The following ABL1 variants were observed in gnomAD, a reference collection of about 807,000 sequenced individuals.
ABL1 encodes tyrosine-protein kinase ABL1.
ABL1 carries 11 observed loss-of-function variants against 94.7 expected under a neutral mutation model. The observed-to-expected ratio is 0.12, with a 90% CI of 0.07 to 0.19. The LOEUF (loss-of-function observed/expected upper bound fraction) is 0.19. Ranked by LOEUF, ABL1 falls within the 10% of genes least tolerant of loss-of-function variation. ABL1 has a pLI of 1.00. For missense variants in ABL1, 1,082 were observed against 1,489.4 expected, an observed-to-expected ratio of 0.73 and a Z score of 4.50; for synonymous variants, 656 against 622.4, an observed-to-expected ratio of 1.05 and a Z score of -0.80.
intron 1 of ABL1, among the ~76,000 whole-genome samples, chr9:130,730,387 A>G (rs976817739): frequency 6.6e-6 from 1 of 152,052 alleles, no homozygotes; most frequent in African/African-American, 2.4e-5. Context: ...GTTGTGCAGT[A>G]GTATCTCCCA....
At chr9:130,713,939 C>G (rs1460780230) in exon 1 of ABL1, 2 of 237,100 alleles carry the variant, frequency 8.4e-6, no homozygotes, top group Non-Finnish European at 1.7e-5. Flanking sequence ...TCAGCGTTTC[C>G]TTTATGTGTG....
intron 7 of ABL1, 119 bp from the exon 8 acceptor site, chr9:130,878,296 C>G (rs959181312): frequency 8.3e-7 from 1 of 1,209,794 alleles, no homozygotes; most frequent in Non-Finnish European, 1.2e-6. Context: ...AATGTCAGAG[C>G]CTGGGCTGCT....
At chr9:130,724,701 T>C in intron 1 of ABL1, 1 of 367,450 alleles carries the variant, frequency 2.7e-6, no homozygotes, top group Non-Finnish European at 5.5e-6. Flanking sequence ...TACCTGGGAT[T>C]GTGCCACTGC....
chr9:130,729,571 T>G (rs138497884), intron 1 of ABL1, among the ~76,000 whole-genome samples: 1 of 152,332 alleles, frequency 6.6e-6, no homozygotes, highest in African/African-American at 2.4e-5. Context: ...CCTTATGTTT[T>G]TCTCTTTCCT....
intron 4 of ABL1, among the ~76,000 whole-genome samples, chr9:130,865,866 A>T (rs1267371033): frequency 6.6e-6 from 1 of 151,828 alleles, no homozygotes; most frequent in South Asian, 2.1e-4. Flanking sequence ...TGTGCTTACT[A>T]CATGTCGCAT....
At chr9:130,725,089 A>G (rs1308097940) in intron 1 of ABL1, 1 of 206,826 alleles carries the variant, frequency 4.8e-6, no homozygotes, top group African/African-American at 2.3e-5. Context: ...GGTAAAATAT[A>G]CAGAAAAGTT....
intron 1 of ABL1, among the ~76,000 whole-genome samples, chr9:130,853,672 C>A (rs1830924248): frequency 6.6e-6 from 1 of 152,132 alleles, no homozygotes; most frequent in African/African-American, 2.4e-5. Context: ...ACCTTGGCCT[C>A]CCAAAGTGCT....
chr9:130,786,000 C>G (rs1018108583), intron 1 of ABL1, among the ~76,000 whole-genome samples: 4 of 146,464 alleles, frequency 2.7e-5, no homozygotes, highest in African/African-American at 1.0e-4. Flanking sequence ...AGTGATGGCA[C>G]AGAAAGGCCA....
At chr9:130,871,968 G>T (rs1318874558) in intron 4 of ABL1, among the ~76,000 whole-genome samples, 161 bp from the exon 5 acceptor site, 1 of 152,274 alleles carries the variant, frequency 6.6e-6, no homozygotes, top group Admixed American at 6.5e-5. Context: ...TCAAGTTGCT[G>T]GTCAGCTGTC....
intron 1 of ABL1, among the ~76,000 whole-genome samples, chr9:130,762,876 A>G (rs1832133634): frequency 6.8e-6 from 1 of 146,904 alleles, no homozygotes. Context: ...GCGCCACTGC[A>G]CTCCAGCCTG....
At chr9:130,765,548 CT>C (rs750313210) in intron 1 of ABL1, among the ~76,000 whole-genome samples, 5 of 152,216 alleles carry the variant, frequency 3.3e-5, no homozygotes, top group African/African-American at 9.6e-5. Flanking sequence ...AGAATAGAAA[CT>C]TTTAAAGGTT....
chr9:130,717,960 C>T (rs948530514), intron 1 of ABL1, among the ~76,000 whole-genome samples: 3 of 149,790 alleles, frequency 2.0e-5, no homozygotes, highest in African/African-American at 4.9e-5. Context: ...TGCATTGAGA[C>T]GAGATCACGC....
chr9:130,849,031 C>T (rs1015509439), intron 1 of ABL1, among the ~76,000 whole-genome samples: 4 of 152,128 alleles, frequency 2.6e-5, no homozygotes, highest in Non-Finnish European at 5.9e-5. Flanking sequence ...AATTCCTCCT[C>T]GTCTTCTATT....
At chr9:130,843,142 A>G (rs1172081080) in intron 1 of ABL1, among the ~76,000 whole-genome samples, 1 of 152,234 alleles carries the variant, frequency 6.6e-6, no homozygotes. Flanking sequence ...AGCTAAAGAC[A>G]GACAAGTGCA....
In ABL1 at chr9:130,735,086, A is replaced by G. The variant is rs377102610; in HGVS notation, c.136+20631A>G. Among the ~76,000 whole-genome samples the G allele has an allele frequency of 4.0e-5, 6 of 151,652 alleles. No homozygotes were observed. In the East Asian group the frequency reaches 9.7e-4, roughly 25 times the overall value. ...GCTCTGTTGCCCAGGCTGGAGTGCA[A>G]TGGCATGATCTTGGCTTACCGCAAC... is the stretch of plus-strand genomic sequence containing the variant. On this transcript the variant is annotated intron_variant, in intron 1 of 10. Coordinates refer to the ABL1 transcript ENST00000372348.
chr9:130,723,266 A>G (rs1831538521), intron 1 of ABL1, among the ~76,000 whole-genome samples: 1 of 152,072 alleles, frequency 6.6e-6, no homozygotes, highest in African/African-American at 2.4e-5. Context: ...CCTGCTGGCC[A>G]GGTGCAGTGG....
intron 7 of ABL1, among the ~76,000 whole-genome samples, chr9:130,877,225 C>T (rs1386698247): frequency 2.7e-5 from 4 of 148,292 alleles, no homozygotes; most frequent in Non-Finnish European, 4.5e-5. Context: ...GACGTCCGCG[C>T]CCTCAAATGA....
chr9:130,854,808 G>A lies in ABL1; in HGVS notation c.261G>A (p.Lys87=), dbSNP rs775695843. 1 of 1,613,152 alleles carries A rather than the reference G, an allele frequency of 6.2e-7. No individual in the cohort carries two copies. The highest frequency in any genetic ancestry group is 8.5e-7 in the Non-Finnish European group (1 of 1,179,202). Reference sequence around the variant, plus strand: ...TGGTTCCTTTCTTCTCAGGTGAAAAGCTCCGGGTCTTAGGCTATAATCACA... The same window carrying A: ...TGGTTCCTTTCTTCTCAGGTGAAAAACTCCGGGTCTTAGGCTATAATCACA... ...DNTLSITKGE[K]LRVLGYNHNG... is the part of the protein sequence containing the mutation. Residue 87 remains lysine, a synonymous_variant, in exon 3 of 11, where the codon AAG becomes AAA. Coordinates refer to ENST00000318560, the MANE Select transcript of ABL1 (RefSeq NM_005157.6).
chr9:130,847,460 A>G (rs1830790523), intron 1 of ABL1, among the ~76,000 whole-genome samples: 1 of 152,168 alleles, frequency 6.6e-6, no homozygotes, highest in Admixed American at 6.5e-5. Flanking sequence ...TGTCTTAAGC[A>G]AGAAAGATTT....
Sources: gnomAD v4.1 joint callset for allele counts (sites outside exome capture counted in the v4.1 genomes callset) on GRCh38, gnomAD v4.1.1 for gene constraint, MANE v1.5 for transcripts, NCBI Gene and HGNC (gene_info 2026-07-23, HGNC 2026-07-21) for gene names.